The following MRTFA variants were observed in gnomAD, a reference collection of about 807,000 sequenced individuals.
MRTFA encodes the protein myocardin related transcription factor A.
A neutral mutation model predicts 83.5 loss-of-function variants in MRTFA; 20 were observed. The observed-to-expected ratio is 0.24, with a 90% CI of 0.17 to 0.35. The LOEUF is 0.35. Among genes scored for constraint, MRTFA ranks in the 10% least tolerant of loss-of-function variants. The probability of loss-of-function intolerance (pLI) is 1.00; values close to 1 mark genes in which losing one functional copy is unlikely to be tolerated. For synonymous variants in MRTFA, 659 were observed against 541.2 expected (o/e 1.22, Z -3.02); for missense variants, 1,200 against 1,224.7 (o/e 0.98, Z 0.30).
intron 1 of MRTFA, among the ~76,000 whole-genome samples, chr22:40,615,004 T>C (rs2056432510): frequency 6.6e-6 from 1 of 152,280 alleles, no homozygotes; most frequent in Non-Finnish European, 1.5e-5. Flanking sequence ...AAGTGCAATT[T>C]ATCAATTTTT....
Position 40,411,829 on chromosome 22 carries a change from G to A in MRTFA, c.2657C>T (p.Pro886Leu), listed in dbSNP as rs2147048514. The A allele has an allele frequency of 6.6e-7, 1 of 1,513,856 alleles. No individual in the cohort carries two copies. Among genetic ancestry groups the A allele is most frequent in the Non-Finnish European group, 8.9e-7 (1 of 1,128,262 alleles). 93.8% of individuals were successfully genotyped at this position (1,513,856 alleles called of 1,614,324 possible). A position where few individuals can be genotyped will look rare whatever the true frequency, so the allele number is the denominator to read the frequency against. The change falls in exon 15 of 15, where the codon CCC becomes CTC. Residue 886 changes from proline to leucine, a missense_variant. By Grantham distance (98) the Pro-to-Leu change is moderately conservative (BLOSUM62 -3). Around this residue, in one of 2 missense-constraint regions of MRTFA, gnomAD observed 1,107 missense variants for 1,041.8 expected, o/e 1.06. Coordinates refer to ENST00000355630, the MANE Select transcript of MRTFA (RefSeq NM_020831.6). ...AGAAGGTGATGGCTGTGCTGCCAGG[G>A]GGGACCCACAGACTGTCTTCGGGGA... is the stretch of plus-strand genomic sequence containing the variant.
chr22:40,424,165 G>GC, intron 8 of MRTFA, 41 bp downstream of exon 8: 1 of 1,557,700 alleles, frequency 6.4e-7, no homozygotes. Flanking sequence ...CGCAGCCCTA[G>GC]CACCTTGGAG....
At chr22:40,454,638 C>A (rs963763606) in intron 4 of MRTFA, among the ~76,000 whole-genome samples, 1 of 152,148 alleles carries the variant, frequency 6.6e-6, no homozygotes, top group Admixed American at 6.5e-5. Flanking sequence ...CCATGGGTAA[C>A]TAATTCTGTG....
intron 1 of MRTFA, among the ~76,000 whole-genome samples, chr22:40,627,024 T>C (rs915570718): frequency 1.3e-5 from 2 of 151,768 alleles, no homozygotes; most frequent in Middle Eastern, 3.4e-3. Context: ...GTAGAGAAAA[T>C]ATGTACAAAT....
At chr22:40,558,755 C>A (rs1369050791) in intron 2 of MRTFA, among the ~76,000 whole-genome samples, 2 of 150,156 alleles carry the variant, frequency 1.3e-5, no homozygotes, top group South Asian at 4.2e-4. Context: ...AAATAAAGTT[C>A]TTGGTTTTTT....
intron 1 of MRTFA, among the ~76,000 whole-genome samples, chr22:40,601,698 A>G (rs1410500322): frequency 6.6e-6 from 1 of 152,180 alleles, no homozygotes; most frequent in Non-Finnish European, 1.5e-5. Flanking sequence ...TAACCTTTAA[A>G]GCCTGAAGAT....
chr22:40,594,078 G>A (rs1431363121), intron 2 of MRTFA, among the ~76,000 whole-genome samples: 3 of 152,206 alleles, frequency 2.0e-5, no homozygotes, highest in East Asian at 1.9e-4. Context: ...GCTCTATCTG[G>A]TGTACTTTTG....
chr22:40,502,511 C>T (rs1203243772), intron 3 of MRTFA, among the ~76,000 whole-genome samples: 1 of 138,488 alleles, frequency 7.2e-6, no homozygotes, highest in African/African-American at 2.7e-5. Flanking sequence ...ATGGCGGCTG[C>T]GCTCCTCACT....
intron 2 of MRTFA, among the ~76,000 whole-genome samples, chr22:40,564,132 C>T (rs924172512): frequency 6.6e-6 from 1 of 152,064 alleles, no homozygotes; most frequent in Non-Finnish European, 1.5e-5. Flanking sequence ...GGAGGAGAGA[C>T]AGATGTCAAA....
intron 3 of MRTFA, among the ~76,000 whole-genome samples, chr22:40,540,039 A>T (rs1220122163): frequency 6.6e-6 from 1 of 150,832 alleles, no homozygotes; most frequent in Non-Finnish European, 1.5e-5. Context: ...CCTCCCAAGT[A>T]GCTGGGACTG....
chr22:40,635,991 T>C (rs1304148255), intron 1 of MRTFA, among the ~76,000 whole-genome samples: 1 of 152,124 alleles, frequency 6.6e-6, no homozygotes, highest in East Asian at 1.9e-4. Flanking sequence ...AAGTTTCAGA[T>C]TTGCAGAGCC....
At chr22:40,633,887 G>T (rs998578462) in intron 1 of MRTFA, among the ~76,000 whole-genome samples, 3 of 152,032 alleles carry the variant, frequency 2.0e-5, no homozygotes, top group Admixed American at 6.6e-5. Flanking sequence ...AAAAGGAACC[G>T]TATACCATAC....
chr22:40,587,323 A>T (rs1037569268), intron 2 of MRTFA: 3 of 449,982 alleles, frequency 6.7e-6, no homozygotes, highest in African/African-American at 6.1e-5. Context: ...TGCTTACATT[A>T]AGCAGAATAA....
chr22:40,555,586 T>TATA (rs1556004957), intron 2 of MRTFA, among the ~76,000 whole-genome samples: 3 of 148,934 alleles, frequency 2.0e-5, no homozygotes, highest in African/African-American at 4.9e-5. Flanking sequence ...AAAAAAAATT[T>TATA]TATATATATA....
chr22:40,507,650 CA>C (rs2054600975), intron 3 of MRTFA, among the ~76,000 whole-genome samples: 1 of 151,524 alleles, frequency 6.6e-6, no homozygotes, highest in Admixed American at 6.6e-5. Flanking sequence ...GATTAAGAAC[CA>C]CTGGGTTATT....
Position 40,635,640 on chromosome 22 carries a change from G to A in MRTFA, c.-84+838C>T, listed in dbSNP as rs1488558519. On this transcript the variant is annotated intron_variant, in intron 1 of 14. Coordinates refer to ENST00000355630, the MANE Select transcript of MRTFA (RefSeq NM_020831.6). ...CTTGACAATGCCAAGCTGGGCTAGT[G>A]CTTAAAGGCACACAGGCAAACCAGG... is the stretch of plus-strand genomic sequence containing the variant. Among the ~76,000 whole-genome samples, 3 of 152,188 alleles carry A rather than the reference G, an allele frequency of 2.0e-5. No homozygotes were observed. In the East Asian group the frequency reaches 5.8e-4, roughly 29 times the overall value.
intron 2 of MRTFA, among the ~76,000 whole-genome samples, chr22:40,574,321 A>G (rs1431985922): frequency 2.0e-5 from 3 of 152,214 alleles, no homozygotes; most frequent in African/African-American, 7.2e-5. Context: ...TATTCATGGA[A>G]AAAAGTGAAT....
chr22:40,421,242 AC>A, intron 9 of MRTFA, 142 bp from the exon 10 acceptor site: 1 of 945,628 alleles, frequency 1.1e-6, no homozygotes, highest in East Asian at 2.8e-5. Context: ...TCCCTGTGGG[AC>A]CGTACACCCC....
intron 4 of MRTFA, among the ~76,000 whole-genome samples, chr22:40,439,019 C>T (rs368394216): frequency 1.3e-5 from 2 of 152,236 alleles, no homozygotes; most frequent in East Asian, 3.9e-4. Flanking sequence ...AATCATTCTA[C>T]ATGGTAGGTA....
Sources: gnomAD v4.1 joint callset for allele counts (sites outside exome capture counted in the v4.1 genomes callset) on GRCh38, gnomAD v4.1.1 for gene constraint, gnomAD v4.1.1 regional missense constraint, MANE v1.5 for transcripts, NCBI Gene and HGNC (gene_info 2026-07-23, HGNC 2026-07-21) for gene names.